The following PTPRD variants were observed in gnomAD, a reference collection of about 807,000 sequenced individuals.
PTPRD encodes protein tyrosine phosphatase receptor type D.
In PTPRD, 34 loss-of-function variants were observed where a neutral mutation model predicts 214.5. That is an observed-to-expected ratio of 0.16 (90% CI 0.12 to 0.21). The LOEUF (loss-of-function observed/expected upper bound fraction) is 0.21. Ranked by LOEUF, PTPRD falls within the 10% of genes least tolerant of loss-of-function variation. The pLI is 1.00. For synonymous variants in PTPRD, 1,128 were observed against 845.7 expected (o/e 1.33, Z -5.79); for missense variants, 2,545 against 2,398.7 (o/e 1.06, Z -1.27).
At chr9:8,637,564 C>T (rs1029351980) in intron 12 of PTPRD, among the ~76,000 whole-genome samples, 2 of 152,148 alleles carry the variant, frequency 1.3e-5, no homozygotes. Flanking sequence ...TGTTCAACAT[C>T]CTCCATCTCC....
chr9:10,399,555 T>C (rs1001577089), intron 2 of PTPRD, among the ~76,000 whole-genome samples: 10 of 151,952 alleles, frequency 6.6e-5, no homozygotes, highest in East Asian at 1.9e-4. Context: ...CATGAAGCTA[T>C]GCATGTTCTT....
intron 9 of PTPRD, among the ~76,000 whole-genome samples, chr9:9,385,898 T>G (rs149641646): frequency 1.3e-5 from 2 of 152,284 alleles, no homozygotes; most frequent in Admixed American, 1.3e-4. Context: ...TCCAGTCTTA[T>G]GTTCTTTTAA....
At chr9:8,852,105 A>C (rs1263524597) in intron 11 of PTPRD, among the ~76,000 whole-genome samples, 1 of 152,190 alleles carries the variant, frequency 6.6e-6, no homozygotes, top group African/African-American at 2.4e-5. Context: ...CAATCATTAC[A>C]GAGGATCACT....
intron 2 of PTPRD, among the ~76,000 whole-genome samples, chr9:10,486,784 T>C (rs1179792728): frequency 2.0e-5 from 3 of 152,154 alleles, no homozygotes; most frequent in African/African-American, 4.8e-5. Context: ...TCTGAAGCCA[T>C]TGGTTAAAAT....
In PTPRD at chr9:10,469,215, A is replaced by AAG. The variant is rs367571692; in HGVS notation, c.-599-128200_-599-128199dup. On this transcript the variant is annotated intron_variant, in intron 2 of 45. Transcript: ENST00000381196. Reference sequence around the variant, plus strand: ...CATACAGAAAACAACTTCAGTTATGAAGTAGACCCAGACAACTTTCAGAAT... The same window carrying AAG: ...CATACAGAAAACAACTTCAGTTATGAAGAGTAGACCCAGACAACTTTCAGAAT... Among the ~76,000 whole-genome samples the AAG allele has an allele frequency of 1.9e-3, 295 of 152,330 alleles. 1 individual carries two copies. The highest frequency in any genetic ancestry group is 6.6e-3 in the African/African-American group (275 of 41,574).
In PTPRD at chr9:8,856,680, T is replaced by C. The variant is rs191566396; in HGVS notation, c.-103-122734A>G. ...GAAAACGGAGGAGACATTTGGCAAG[T>C]AGCGTACTGGGAGGCGAACTGGAAA... On this transcript the variant is annotated intron_variant, in intron 11 of 45. Transcript: ENST00000381196. 4.2e-3 allele frequency among the ~76,000 whole-genome samples: 641 copies of C among 152,268 alleles called. 8 individuals carry two copies. Among genetic ancestry groups the C allele is most frequent in the South Asian group, 0.027 (129 of 4,826 alleles).
At chr9:10,390,236 G>A (rs1383355149) in intron 2 of PTPRD, among the ~76,000 whole-genome samples, 1 of 151,478 alleles carries the variant, frequency 6.6e-6, no homozygotes, top group African/African-American at 2.4e-5. Context: ...ATAGCTAAAA[G>A]ACAACCAAAA....
chr9:10,052,355 C>A lies in PTPRD; in HGVS notation c.-544-18565G>T, dbSNP rs558035530. On this transcript the variant is annotated intron_variant, in intron 3 of 45. Transcript: ENST00000381196. ...AAAAAGGCGCCTGCTTAGTGGCAAA[C>A]TCCCAAAAGAAGCAGCACAGGAGGG... Among the ~76,000 whole-genome samples the A allele has an allele frequency of 4.6e-5, 7 of 152,204 alleles. 1 individual carries two copies. Among genetic ancestry groups the A allele is most frequent in the Admixed American group, 3.9e-4 (6 of 15,258 alleles).
chr9:9,948,811 A>G (rs553312915), intron 4 of PTPRD, among the ~76,000 whole-genome samples: 18 of 152,126 alleles, frequency 1.2e-4, no homozygotes, highest in Non-Finnish European at 1.3e-4. Flanking sequence ...AACAGTAGGT[A>G]TAAGGGCAAA....
intron 14 of PTPRD, among the ~76,000 whole-genome samples, chr9:8,623,893 A>C (rs1314554596): frequency 6.6e-6 from 1 of 151,968 alleles, no homozygotes. Context: ...TAATCAAAAA[A>C]ACAAAACAAA....
At chr9:9,666,059 T>A (rs1435109338) in intron 7 of PTPRD, among the ~76,000 whole-genome samples, 1 of 151,936 alleles carries the variant, frequency 6.6e-6, no homozygotes, top group Non-Finnish European at 1.5e-5. Context: ...ATGTAAGTTT[T>A]CTGGAGTTAT....
chr9:8,679,619 CAT>C (rs1012279288), intron 12 of PTPRD, among the ~76,000 whole-genome samples: 4 of 152,186 alleles, frequency 2.6e-5, no homozygotes, highest in African/African-American at 9.7e-5. Flanking sequence ...AGGAAAAACA[CAT>C]GTGGTTTAGA....
intron 5 of PTPRD, among the ~76,000 whole-genome samples, chr9:9,864,669 C>A (rs1338670552): frequency 6.6e-6 from 1 of 152,024 alleles, no homozygotes; most frequent in African/African-American, 2.4e-5. Context: ...CAGGCGCACA[C>A]CACCAAGCCC....
rs142852163 is a variant in PTPRD, at chr9:8,472,098, G to C, written c.3414-1013C>G. ...AGGACTGGTCACAGGCAAAAAGACA[G>C]ATCTGTAGAGATTAAATAATTGCCA... On this transcript the variant is annotated intron_variant, in intron 30 of 45. Transcript: ENST00000381196. Among the ~76,000 whole-genome samples the C allele has an allele frequency of 7.6e-3, 1,161 of 152,244 alleles. 12 individuals are homozygous for C. The highest frequency in any genetic ancestry group is 0.027 in the African/African-American group (1,105 of 41,542).
intron 8 of PTPRD, among the ~76,000 whole-genome samples, chr9:9,487,040 C>T (rs1326637689): frequency 6.6e-6 from 1 of 151,916 alleles, no homozygotes; most frequent in African/African-American, 2.4e-5. Flanking sequence ...TAGAGCAAAC[C>T]AGTCATTACT....
intron 11 of PTPRD, among the ~76,000 whole-genome samples, chr9:8,834,686 G>A (rs1466980211): frequency 6.6e-6 from 1 of 152,186 alleles, no homozygotes; most frequent in Non-Finnish European, 1.5e-5. Flanking sequence ...GACAAAGAAA[G>A]TGAGGATCAA....
At chr9:10,357,289 A>G (rs540952718) in intron 2 of PTPRD, among the ~76,000 whole-genome samples, 2 of 152,294 alleles carry the variant, frequency 1.3e-5, no homozygotes, top group South Asian at 4.1e-4. Flanking sequence ...TGATTTAACC[A>G]TCACAAAACT....
chr9:10,027,805 C>G lies in PTPRD; in HGVS notation c.-472+5913G>C, dbSNP rs140524975. ...GAAGTTTCCAGTAAAAGGCATTGAA[C>G]TAAATGGTAAAATATAACAGCATTA... On this transcript the variant is annotated intron_variant, in intron 4 of 45. Coordinates refer to ENST00000381196, the MANE Select transcript of PTPRD (RefSeq NM_002839.4). 5.8e-4 allele frequency among the ~76,000 whole-genome samples: 88 copies of G among 152,140 alleles called. 2 individuals are homozygous for G. The East Asian group carries it at 0.015, about 26-fold the overall frequency.
chr9:9,413,850 G>A (rs1197314613), intron 8 of PTPRD, among the ~76,000 whole-genome samples: 1 of 152,150 alleles, frequency 6.6e-6, no homozygotes, highest in Non-Finnish European at 1.5e-5. Context: ...CTTAATAAAT[G>A]ACAGGTGGTA....
Sources: allele counts gnomAD v4.1 joint callset (sites outside exome capture counted in the v4.1 genomes callset), GRCh38; gene constraint gnomAD v4.1.1; transcripts MANE v1.5; gene names NCBI Gene and HGNC (gene_info 2026-07-23, HGNC 2026-07-21).